The following MAST4 variants were observed in gnomAD, a reference collection of about 807,000 sequenced individuals.
MAST4 encodes microtubule-associated serine/threonine-protein kinase 4.
MAST4 carries 89 observed loss-of-function variants against 162.7 expected under a neutral mutation model. The ratio of observed to expected loss-of-function variants is 0.55; its 90% confidence interval spans 0.46 to 0.65. The LOEUF (loss-of-function observed/expected upper bound fraction) is 0.65, where lower values mean the gene tolerates loss of function less well. Among genes scored for constraint, MAST4 ranks in the 30% least tolerant of loss-of-function variants. The probability of loss-of-function intolerance (pLI) is 0.00; values close to 1 mark genes in which losing one functional copy is unlikely to be tolerated. For missense variants in MAST4, 3,153 were observed against 3,374.0 expected, an observed-to-expected ratio of 0.93 and a Z score of 1.62; for synonymous variants, 1,479 against 1,361.1, an observed-to-expected ratio of 1.09 and a Z score of -1.91.
At position 67,110,189 on chromosome 5, in the gene MAST4, T is replaced by C; in HGVS notation, c.1448T>C (p.Leu483Ser). The C allele has an allele frequency of 6.2e-7, 1 of 1,612,622 alleles. No individual in the cohort carries two copies. Residue 483 changes from leucine to serine, a missense_variant, in exon 11 of 29, where the codon TTA (leucine) becomes TCA (serine). This residue lies in a region of MAST4 where 360 missense variants were observed against 450.0 expected (regional missense o/e 0.80). Coordinates refer to ENST00000403625, the MANE Select transcript of MAST4 (RefSeq NM_001164664.2). ...GTTATTGCCCGCCCTGCTCGGTTAT[T>C]AGAGTGCCTGGTAAGTTGCCCCTTG... ...LIVIARPARL[L>S]ECLEFDPEEF...
In MAST4 at chr5:66,788,728, G is replaced by T; in HGVS notation, c.576G>T (p.Thr192=). 1.2e-6 allele frequency: 2 copies of T among 1,613,282 alleles called. No individual in the cohort carries two copies. Among genetic ancestry groups the T allele is most frequent in the Admixed American group, 1.7e-5 (1 of 59,968 alleles). ...AGQAWPASAE[T]SNLVRMRSQA... ...AGGCCTGGCCGGCCTCTGCAGAGACGTCCAACCTCGTGCGCATGCGCAGCC... is the reference window on the plus strand; with the variant it reads ...AGGCCTGGCCGGCCTCTGCAGAGACTTCCAACCTCGTGCGCATGCGCAGCC... Residue 192 remains threonine, a synonymous_variant, in exon 3 of 29, where the codon ACG becomes ACT. Transcript: ENST00000403625.
intron 1 of MAST4, among the ~76,000 whole-genome samples, chr5:66,697,750 TCTC>T (rs1406771083): frequency 6.6e-6 from 1 of 152,220 alleles, no homozygotes; most frequent in African/African-American, 2.4e-5. Context: ...TTTATTTTCT[TCTC>T]TGGTGCTTGA....
At chr5:66,969,285 A>T (rs528490345) in intron 4 of MAST4, among the ~76,000 whole-genome samples, 1 of 152,108 alleles carries the variant, frequency 6.6e-6, no homozygotes, top group Non-Finnish European at 1.5e-5. Flanking sequence ...CCCTGGAGAT[A>T]CTTGAGTTTG....
intron 4 of MAST4, among the ~76,000 whole-genome samples, chr5:67,029,166 T>C (rs1223011734): frequency 6.6e-6 from 1 of 151,738 alleles, no homozygotes; most frequent in Non-Finnish European, 1.5e-5. Context: ...TAAAGATTAA[T>C]GAAGAGTGCC....
intron 1 of MAST4, among the ~76,000 whole-genome samples, chr5:66,756,304 A>G (rs973405319): frequency 6.6e-6 from 1 of 152,228 alleles, no homozygotes; most frequent in African/African-American, 2.4e-5. Flanking sequence ...AGGTAAGGAC[A>G]TATTGCTGTT....
chr5:67,015,980 T>C (rs1374587041), intron 4 of MAST4, among the ~76,000 whole-genome samples: 1 of 152,206 alleles, frequency 6.6e-6, no homozygotes, highest in Non-Finnish European at 1.5e-5. Flanking sequence ...CAAATATTTA[T>C]TGAGTACCTT....
chr5:66,947,036 T>A (rs1744111216), intron 4 of MAST4, among the ~76,000 whole-genome samples: 1 of 152,330 alleles, frequency 6.6e-6, no homozygotes, highest in African/African-American at 2.4e-5. Flanking sequence ...AGCTTGATTA[T>A]GGTCCAGTAT....
At position 67,165,874 on chromosome 5, in the gene MAST4, T is replaced by A; in HGVS notation, c.6695T>A (p.Leu2232His). The A allele has an allele frequency of 6.2e-7, 1 of 1,613,288 alleles. No individual in the cohort carries two copies. The highest frequency in any genetic ancestry group is 8.5e-7 in the Non-Finnish European group (1 of 1,179,878). The change falls in exon 29 of 29, where the codon CTC (leucine) becomes CAC (histidine). Residue 2232 changes from leucine (L) to histidine (H), a missense_variant. Coordinates refer to ENST00000403625, the MANE Select transcript of MAST4 (RefSeq NM_001164664.2). The part of the protein sequence containing the change: ...TKGKEPATQS[L>H]GGSSREGKGH... Reference sequence around the variant, plus strand: ...GGCAAAGAGCCTGCCACTCAGTCCCTCGGTGGCTCTAGCAGAGAGGGGAAG... The same window carrying A: ...GGCAAAGAGCCTGCCACTCAGTCCCACGGTGGCTCTAGCAGAGAGGGGAAG...
chr5:66,998,560 A>G (rs1030003781), intron 4 of MAST4, among the ~76,000 whole-genome samples: 1 of 152,198 alleles, frequency 6.6e-6, no homozygotes, highest in South Asian at 2.1e-4. Context: ...TAAAACACAT[A>G]TAGGGTCAGT....
intron 1 of MAST4, among the ~76,000 whole-genome samples, chr5:66,727,987 TG>T (rs1751625335): frequency 2.0e-5 from 3 of 152,158 alleles, no homozygotes. Context: ...AAACCATTGT[TG>T]GTTTTCTCTG....
intron 4 of MAST4, among the ~76,000 whole-genome samples, chr5:66,920,015 A>G (rs1561446399): frequency 6.9e-6 from 1 of 145,386 alleles, no homozygotes; most frequent in Non-Finnish European, 1.5e-5. Flanking sequence ...ATGAACAAGG[A>G]TGCTTTTAAT....
intron 4 of MAST4, among the ~76,000 whole-genome samples, chr5:66,923,550 A>G (rs1185308463): frequency 6.6e-6 from 1 of 152,218 alleles, no homozygotes; most frequent in Admixed American, 6.5e-5. Context: ...GGTTGTGGCT[A>G]TCACGTTGTT....
At chr5:66,914,503 T>A (rs1763976111) in intron 4 of MAST4, among the ~76,000 whole-genome samples, 1 of 152,124 alleles carries the variant, frequency 6.6e-6, no homozygotes, top group Admixed American at 6.5e-5. Flanking sequence ...CCACATTTCT[T>A]CTAGAAAGAA....
chr5:66,899,796 T>C (rs936707381), intron 3 of MAST4, among the ~76,000 whole-genome samples, 155 bp from the exon 4 acceptor site: 3 of 152,120 alleles, frequency 2.0e-5, no homozygotes, highest in African/African-American at 7.2e-5. Flanking sequence ...TAAGAAGGGA[T>C]CCAGCATAAA....
intron 4 of MAST4, among the ~76,000 whole-genome samples, chr5:66,947,376 G>T (rs918013591): frequency 6.6e-6 from 1 of 152,180 alleles, no homozygotes; most frequent in Non-Finnish European, 1.5e-5. Flanking sequence ...TCCCTACAAA[G>T]AAAAATGTAT....
At chr5:66,621,717 A>C (rs891371338) in intron 1 of MAST4, among the ~76,000 whole-genome samples, 1 of 152,246 alleles carries the variant, frequency 6.6e-6, no homozygotes, top group Non-Finnish European at 1.5e-5. Flanking sequence ...CCTACTGTGC[A>C]TCGGGTACTG....
intron 4 of MAST4, among the ~76,000 whole-genome samples, chr5:67,009,149 C>T (rs960547876): frequency 6.6e-6 from 1 of 152,032 alleles, no homozygotes; most frequent in Non-Finnish European, 1.5e-5. Context: ...TCATTGCAAA[C>T]CAGGACAATC....
At chr5:66,995,509 TC>T (rs551494112) in intron 4 of MAST4, among the ~76,000 whole-genome samples, 441 of 152,224 alleles carry the variant, frequency 2.9e-3, no homozygotes, top group African/African-American at 8.8e-3. Flanking sequence ...TTCAAGTGAT[TC>T]TCCTGCCTCA....
intron 1 of MAST4, among the ~76,000 whole-genome samples, chr5:66,655,737 A>G (rs1370389748): frequency 4.6e-5 from 7 of 152,202 alleles, no homozygotes; most frequent in Non-Finnish European, 1.0e-4. Flanking sequence ...ACTCTTACTC[A>G]TGCATCATAA....
Sources: allele counts gnomAD v4.1 joint callset (sites outside exome capture counted in the v4.1 genomes callset), GRCh38; gene constraint gnomAD v4.1.1; regional missense constraint gnomAD v4.1.1; transcripts MANE v1.5; gene names NCBI Gene and HGNC (gene_info 2026-07-23, HGNC 2026-07-21).